The following ACOX1 variants were observed in gnomAD, a reference collection of about 807,000 sequenced individuals.
ACOX1 encodes acyl-CoA oxidase 1, also known as peroxisomal acyl-coenzyme A oxidase 1.
In ACOX1, 41 loss-of-function variants were observed where a neutral mutation model predicts 75.5. The observed-to-expected ratio is 0.54, with a 90% CI of 0.42 to 0.70. ACOX1 has a LOEUF of 0.70. ACOX1 is among the 30% of genes least tolerant of loss of function. The probability of loss-of-function intolerance (pLI) is 0.00; values close to 1 mark genes in which losing one functional copy is unlikely to be tolerated. For synonymous variants in ACOX1, 303 were observed against 298.8 expected (o/e 1.01, Z -0.15); for missense variants, 630 against 837.5 (o/e 0.75, Z 3.06).
At position 75,978,783 on chromosome 17, in the gene ACOX1, G is replaced by C; in HGVS notation, c.110-90C>G. 3 of 1,608,592 alleles carry C rather than the reference G, an allele frequency of 1.9e-6. No homozygotes were observed. The highest frequency in any genetic ancestry group is 2.2e-5 in the East Asian group (1 of 44,866). ...GAATCACAATAGGCTTCAGAGTCGC[G>C]GACACACCTGGGGAATGGCGATATC... On this transcript the variant is annotated intron_variant, in intron 1 of 13. Transcript: ENST00000293217. The surrounding 1 kb of genome is among the most constrained non-coding windows in gnomAD (Gnocchi z 4.2).
In ACOX1 at chr17:75,960,833, CT is replaced by C. The variant is rs1390188031; in HGVS notation, c.270-459del. On this transcript the variant is annotated intron_variant, in intron 2 of 13. Transcript: ENST00000293217. This position sits in a 1 kb window ranked among gnomAD's most constrained non-coding sequence, Gnocchi z 4.4. ...ACTCTACTAAAAATACAAAAATCAGCTGAACGTGGTGGCGCCAGCCAGTAGT... is the reference window on the plus strand; with the variant it reads ...ACTCTACTAAAAATACAAAAATCAGCGAACGTGGTGGCGCCAGCCAGTAGT... Among the ~76,000 whole-genome samples the C allele has an allele frequency of 4.0e-5, 6 of 149,486 alleles. No homozygotes were observed. In the East Asian group the frequency reaches 1.2e-3, roughly 30 times the overall value.
In ACOX1 at chr17:75,960,197, A is replaced by G. The variant is rs1346777725; in HGVS notation, c.430+18T>C. ...CAGGGGCCCGCCCAACCCAGAAGGT[A>G]GACTGAATACTCCATACCATGACCC... On this transcript the variant is annotated intron_variant, in intron 3 of 13. Coordinates refer to ENST00000293217, the MANE Select transcript of ACOX1 (RefSeq NM_004035.7). The surrounding 1 kb of genome is among the most constrained non-coding windows in gnomAD (Gnocchi z 4.4). The G allele has an allele frequency of 2.5e-6, 4 of 1,613,822 alleles. No individual in the cohort carries two copies. The African/African-American group carries it at 5.3e-5, about 22-fold the overall frequency.
Position 75,949,314 on chromosome 17 carries a change from A to C in ACOX1, c.1631T>G (p.Leu544Arg). The part of the protein sequence containing the change: ...VVVKLFSEKL[L>R]KIQDKAIQAV... The stretch of plus-strand genomic sequence containing the variant: ...TTGAATGGCTTTATCTTGAATTTTG[A>C]GGAGTTTTTCTGAAAAGAGCTTAAC... Residue 544 changes from leucine (L) to arginine (R), a missense_variant, in exon 12 of 14, where the codon CTC (leucine) becomes CGC (arginine). Leu to Arg is a moderately radical substitution (Grantham distance 102). Transcript: ENST00000293217. The C allele has an allele frequency of 6.2e-7, 1 of 1,614,188 alleles. No individual in the cohort carries two copies. The highest frequency in any genetic ancestry group is 8.5e-7 in the Non-Finnish European group (1 of 1,180,022).
chr17:75,953,412 G>A, intron 7 of ACOX1, 39 bp downstream of exon 7: 15 of 1,608,666 alleles, frequency 9.3e-6, no homozygotes, highest in Non-Finnish European at 1.3e-5. Flanking sequence ...GTAAAAACTA[G>A]GCCTTTGGTA....
Position 75,943,121 on chromosome 17 carries a change from G to A in ACOX1, c.*3627C>T, listed in dbSNP as rs2065687871. ...GGTGCCTGTAATCCCAGCTACTCAG[G>A]AGGCTGAGGTGGGAGAATCGCTCGA... On this transcript the variant is annotated 3_prime_UTR_variant, in exon 14 of 14. Transcript: ENST00000293217. The A allele has an allele frequency of 6.6e-6, 1 of 151,714 alleles. No individual in the cohort carries two copies. The highest frequency in any genetic ancestry group is 1.5e-5 in the Non-Finnish European group (1 of 68,006). 9.4% of individuals were successfully genotyped at this position (151,714 alleles called of 1,614,324 possible). A position where few individuals can be genotyped will look rare whatever the true frequency, so the allele number is the denominator to read the frequency against.
At chr17:75,970,112 G>A (rs1197570869) in intron 2 of ACOX1, among the ~76,000 whole-genome samples, 5 of 148,930 alleles carry the variant, frequency 3.4e-5, no homozygotes, top group Non-Finnish European at 7.4e-5. Flanking sequence ...TTCAACCAGG[G>A]GGAGGTGGAG....
chr17:75,960,455 G>A lies in ACOX1; in HGVS notation c.270-80C>T. 2 of 1,475,878 alleles carry A rather than the reference G, an allele frequency of 1.4e-6. No individual in the cohort carries two copies. The highest frequency in any genetic ancestry group is 1.9e-6 in the Non-Finnish European group (2 of 1,078,198). The allele number at this position is 1,475,878 out of a possible 1,614,324, so 91.4% of individuals were successfully genotyped here. On this transcript the variant is annotated intron_variant, in intron 2 of 13. Coordinates refer to ENST00000293217, the MANE Select transcript of ACOX1 (RefSeq NM_004035.7). The surrounding 1 kb of genome is among the most constrained non-coding windows in gnomAD (Gnocchi z 4.4). ...GAATCAGCAATTTAAATAGAGCAAG[G>A]GAAGGAGACAAAAAAACCTTAAGTA...
Position 75,951,395 on chromosome 17 carries a change from GA to G in ACOX1, c.1107+19del. ...ACGAAACAGAAGGGTGCCCATGAGT[GA>G]ATGAGACCAAACTCATACCTCAGGC... On this transcript the variant is annotated intron_variant, in intron 8 of 13. Coordinates refer to ENST00000293217, the MANE Select transcript of ACOX1 (RefSeq NM_004035.7). The G allele has an allele frequency of 6.2e-7, 1 of 1,613,886 alleles. No homozygotes were observed. The highest frequency in any genetic ancestry group is 8.5e-7 in the Non-Finnish European group (1 of 1,179,930).
chr17:75,977,783 A>G (rs1291193853), intron 2 of ACOX1, among the ~76,000 whole-genome samples: 4 of 152,128 alleles, frequency 2.6e-5, no homozygotes, highest in African/African-American at 9.7e-5. Flanking sequence ...GGTCCACACT[A>G]CCATATAATA....
Position 75,949,524 on chromosome 17 carries a change from T to C in ACOX1, c.1555A>G (p.Thr519Ala), listed in dbSNP as rs1217090644. The C allele has an allele frequency of 5.0e-6, 8 of 1,614,028 alleles. No individual in the cohort carries two copies. The highest frequency in any genetic ancestry group is 6.8e-6 in the Non-Finnish European group (8 of 1,180,042). The change falls in exon 11 of 14, where the codon ACT (threonine) becomes GCT (alanine). Residue 519 changes from threonine (T) to alanine (A), a missense_variant. Thr to Ala is a moderately conservative substitution (Grantham distance 58). Coordinates refer to ENST00000293217, the MANE Select transcript of ACOX1 (RefSeq NM_004035.7). ...RKSKEVAWNL[T>A]SVDLVRASEA... is the part of the protein sequence containing the mutation. ...CTTGCTCGAACAAGGTCAACAGAAG[T>C]TAGGTTCCAAGCTACCTCCTTGCTT...
chr17:75,955,459 T>C, intron 6 of ACOX1, 107 bp downstream of exon 6: 1 of 937,962 alleles, frequency 1.1e-6, no homozygotes, highest in Non-Finnish European at 1.7e-6. Flanking sequence ...CAGTGTGCCC[T>C]GCTGTTATTA....
At position 75,964,746 on chromosome 17, in the gene ACOX1, T is replaced by A. The variant is rs190370657; in HGVS notation, c.270-4371A>T. Among the ~76,000 whole-genome samples, 1,093 of 152,322 alleles carry A rather than the reference T, an allele frequency of 7.2e-3. 8 individuals are homozygous for A. The highest frequency in any genetic ancestry group is 0.011 in the Non-Finnish European group (769 of 68,032). On this transcript the variant is annotated intron_variant, in intron 2 of 13. Transcript: ENST00000293217. ...TTATGCATGATAAAGATATTATTTT[T>A]AAATAATTTATCGTAAAATTACGAA...
In ACOX1 at chr17:75,946,695, T is replaced by G; in HGVS notation, c.*53A>C. ...AATTCGAAAAAGATTCCACAAAATT[T>G]GAGTTGCACACAGGCGCTTTCTGAA... On this transcript the variant is annotated 3_prime_UTR_variant, in exon 14 of 14. Coordinates refer to ENST00000293217, the MANE Select transcript of ACOX1 (RefSeq NM_004035.7). The G allele has an allele frequency of 1.3e-6, 2 of 1,530,278 alleles. No individual in the cohort carries two copies. The highest frequency in any genetic ancestry group is 1.1e-5 in the South Asian group (1 of 89,114). The allele number at this position is 1,530,278 out of a possible 1,614,324, so 94.8% of individuals were successfully genotyped here. A position where few individuals can be genotyped will look rare whatever the true frequency, so the allele number is the denominator to read the frequency against.
chr17:75,967,603 T>TATATATATACACATAC lies in ACOX1; in HGVS notation c.270-7229_270-7228insGTATGTGTATATATAT, dbSNP rs2065943442. Among the ~76,000 whole-genome samples the TATATATATACACATAC allele has an allele frequency of 2.1e-5, 3 of 143,028 alleles. No individual in the cohort carries two copies. In the Admixed American group the frequency reaches 2.1e-4, roughly 10 times the overall value. 93.8% of individuals were successfully genotyped at this position (143,028 alleles called of 152,430 possible). A position where few individuals can be genotyped will look rare whatever the true frequency, so the allele number is the denominator to read the frequency against. On this transcript the variant is annotated intron_variant, in intron 2 of 13. Coordinates refer to ENST00000293217, the MANE Select transcript of ACOX1 (RefSeq NM_004035.7). The stretch of plus-strand genomic sequence containing the variant: ...GAAAATAATTTAAAAAATCGAAATA[T>TATATATATACACATAC]ATATATATATACATACATATATATA...
Position 75,949,547 on chromosome 17 carries a change from CTTTTTCTGTGAATCACTTCTT to C in ACOX1, c.1511_1531del (p.Lys504_Lys510del), listed in dbSNP as rs1567873162. Reference sequence around the variant, plus strand: ...AGTTAGGTTCCAAGCTACCTCCTTGCTTTTTCTGTGAATCACTTCTTTTTGAAGGTTTTTTGCAGCAATTTC... The same window carrying C: ...AGTTAGGTTCCAAGCTACCTCCTTGCTTTGAAGGTTTTTTGCAGCAATTTC... On this transcript the variant is annotated inframe_deletion, in exon 11 of 14. Transcript: ENST00000293217. 3 of 1,614,194 alleles carry C rather than the reference CTTTTTCTGTGAATCACTTCTT, an allele frequency of 1.9e-6. No homozygotes were observed. The South Asian group carries it at 3.3e-5, about 18-fold the overall frequency.
chr17:75,949,779 T>C lies in ACOX1; in HGVS notation c.1417A>G (p.Thr473Ala). The change falls in exon 10 of 14, where the codon ACC becomes GCC. Residue 473 changes from threonine to alanine, a missense_variant. Coordinates refer to ENST00000293217, the MANE Select transcript of ACOX1 (RefSeq NM_004035.7). The part of the protein sequence containing the change: ...IQPQQVAVWP[T>A]MVDINSPESL... ...TCGGGGCTGTTGATATCCACCATGG[T>C]TGGCCAGACTGCTACCTGCTGTGGC... is the stretch of plus-strand genomic sequence containing the variant. 1 of 1,614,138 alleles carries C rather than the reference T, an allele frequency of 6.2e-7. No homozygotes were observed. Among genetic ancestry groups the C allele is most frequent in the Non-Finnish European group, 8.5e-7 (1 of 1,180,034 alleles).
rs1322359912 is a variant in ACOX1 at position 75,951,337 on chromosome 17, T to C, written c.1107+78A>G. 1.4e-5 allele frequency: 22 copies of C among 1,551,516 alleles called. No individual in the cohort carries two copies. The East Asian group carries it at 5.0e-4, about 35-fold the overall frequency. On this transcript the variant is annotated intron_variant, in intron 8 of 13. Coordinates refer to ENST00000293217, the MANE Select transcript of ACOX1 (RefSeq NM_004035.7). ...CTTCTTTTCAGGAAATACCAACATT[T>C]AGTTATCTCTGGACCTCATCCAACA...
intron 2 of ACOX1, among the ~76,000 whole-genome samples, chr17:75,964,485 T>A (rs2065913309): frequency 6.6e-6 from 1 of 152,178 alleles, no homozygotes; most frequent in South Asian, 2.1e-4. Flanking sequence ...TACATCTGAG[T>A]GTACCACAGA....
chr17:75,958,471 A>G (rs1461349769), intron 3 of ACOX1, among the ~76,000 whole-genome samples: 1 of 147,894 alleles, frequency 6.8e-6, no homozygotes, highest in Non-Finnish European at 1.5e-5. Flanking sequence ...GATTGAGACC[A>G]TCCTGGCTAA....
Sources: gnomAD v4.1 joint callset for allele counts (sites outside exome capture counted in the v4.1 genomes callset) on GRCh38, gnomAD v4.1.1 for gene constraint, Gnocchi (gnomAD v3.1) non-coding constraint, MANE v1.5 for transcripts, NCBI Gene and HGNC (gene_info 2026-07-23, HGNC 2026-07-21) for gene names.